Variants in TP53BP2 observed in about 807,000 individuals in gnomAD.
TP53BP2 encodes apoptosis-stimulating of p53 protein 2.
Under a neutral mutation model 126.2 loss-of-function variants are expected in TP53BP2, and 62 were observed. The ratio of observed to expected loss-of-function variants is 0.49; its 90% CI spans 0.40 to 0.61. The LOEUF is 0.61. TP53BP2 is among the 20% of genes least tolerant of loss of function. The pLI, the probability that TP53BP2 is intolerant of heterozygous loss-of-function variation, is 0.00. For synonymous variants in TP53BP2, 485 were observed against 502.9 expected (o/e 0.96, Z 0.48); for missense variants, 1,215 against 1,402.8 (o/e 0.87, Z 2.14).
chr1:223,802,141 T>C lies in TP53BP2; in HGVS notation c.1200A>G (p.Arg400=). 1 of 1,614,076 alleles carries C rather than the reference T, an allele frequency of 6.2e-7. No homozygotes were observed. The highest frequency in any genetic ancestry group is 8.5e-7 in the Non-Finnish European group (1 of 1,179,990). ...CTTTAGTTTGTGAAGCAGCCCCAGATCTCATGTTGGGCAGTGTCTGTATTT... is the reference window on the plus strand; with the variant it reads ...CTTTAGTTTGTGAAGCAGCCCCAGACCTCATGTTGGGCAGTGTCTGTATTT... The part of the protein sequence containing the change: ...PMKIQTLPNM[R]SGAASQTKGS... The change falls in exon 9 of 18, where the codon AGA becomes AGG. Residue 400 remains arginine, a synonymous_variant. Coordinates refer to ENST00000343537, the MANE Select transcript of TP53BP2 (RefSeq NM_001031685.3).
At chr1:223,820,148 C>A (rs1180306384) in intron 2 of TP53BP2, among the ~76,000 whole-genome samples, 2 of 152,092 alleles carry the variant, frequency 1.3e-5, no homozygotes, top group African/African-American at 4.8e-5. Flanking sequence ...GGAGACAGAG[C>A]AATACAAACA....
At chr1:223,809,083 T>A (rs1009940426) in intron 4 of TP53BP2, among the ~76,000 whole-genome samples, 1 of 152,120 alleles carries the variant, frequency 6.6e-6, no homozygotes, top group Non-Finnish European at 1.5e-5. Flanking sequence ...ATAATATATC[T>A]CTTTAATAGA....
intron 2 of TP53BP2, among the ~76,000 whole-genome samples, chr1:223,818,961 A>G (rs934977878): frequency 6.6e-6 from 1 of 150,660 alleles, no homozygotes; most frequent in Non-Finnish European, 1.5e-5. Flanking sequence ...GAGGTGGCGG[A>G]TCACCTGAGA....
intron 1 of TP53BP2, among the ~76,000 whole-genome samples, chr1:223,824,262 C>T (rs183678928): frequency 7.7e-4 from 117 of 152,316 alleles, no homozygotes; most frequent in South Asian, 6.8e-3. Context: ...AAACCAACAG[C>T]TTCATTTATT....
intron 1 of TP53BP2, among the ~76,000 whole-genome samples, chr1:223,835,095 C>T (rs994031465): frequency 4.6e-5 from 7 of 152,100 alleles, no homozygotes; most frequent in Non-Finnish European, 1.0e-4. Context: ...CAAAGTTCCA[C>T]GAAGAGGAGA....
At chr1:223,825,358 A>T (rs1416451319) in intron 1 of TP53BP2, among the ~76,000 whole-genome samples, 2 of 152,212 alleles carry the variant, frequency 1.3e-5, no homozygotes. Flanking sequence ...GGCAAAACCA[A>T]GATTGAGCCC....
intron 17 of TP53BP2, 25 bp downstream of exon 17, chr1:223,784,090 C>T (rs1571833248): frequency 1.9e-6 from 3 of 1,609,886 alleles, no homozygotes; most frequent in Non-Finnish European, 2.6e-6. Flanking sequence ...CATATGAAAA[C>T]ACCGTAAGCG....
chr1:223,842,875 A>G (rs1664148656), intron 1 of TP53BP2, among the ~76,000 whole-genome samples: 1 of 152,234 alleles, frequency 6.6e-6, no homozygotes, highest in African/African-American at 2.4e-5. Context: ...TCATCAGGAA[A>G]AAGATGTCAA....
At position 223,795,980 on chromosome 1, in the gene TP53BP2, G is replaced by A. The variant is rs1217817282; in HGVS notation, c.2559C>T (p.Asn853=). 5 of 1,614,098 alleles carry A rather than the reference G, an allele frequency of 3.1e-6. No individual in the cohort carries two copies. Among genetic ancestry groups the A allele is most frequent in the Non-Finnish European group, 4.2e-6 (5 of 1,180,002 alleles). ...GAGCCTCTGGATTTGGTTCTTCTGG[G>A]TTATTCTGGAGATTTGGGCTGTTGT... The part of the protein sequence containing the change: ...VPDNSPNLQN[N]PEEPNPEAPH... The change falls in exon 13 of 18, where the codon AAC becomes AAT. Residue 853 remains asparagine (N), a synonymous_variant. Coordinates refer to ENST00000343537, the MANE Select transcript of TP53BP2 (RefSeq NM_001031685.3).
chr1:223,782,702 C>T (rs1571831929), intron 17 of TP53BP2, among the ~76,000 whole-genome samples: 1 of 152,178 alleles, frequency 6.6e-6, no homozygotes, highest in Non-Finnish European at 1.5e-5. Flanking sequence ...ATCCTCCTGC[C>T]TCGGCCTCCC....
intron 1 of TP53BP2, among the ~76,000 whole-genome samples, chr1:223,821,746 T>G (rs774507702): frequency 6.6e-6 from 1 of 152,222 alleles, no homozygotes; most frequent in Non-Finnish European, 1.5e-5. Flanking sequence ...ATATACTTAT[T>G]TATGCACAGT....
intron 1 of TP53BP2, among the ~76,000 whole-genome samples, chr1:223,822,806 C>T (rs1663357391): frequency 1.3e-5 from 2 of 151,960 alleles, no homozygotes; most frequent in South Asian, 4.1e-4. Flanking sequence ...TTGTTAATTT[C>T]CAATGCTGAA....
intron 3 of TP53BP2, 48 bp from the exon 4 acceptor site, chr1:223,810,561 T>C (rs1213872545): frequency 5.4e-6 from 7 of 1,288,776 alleles, no homozygotes; most frequent in South Asian, 1.4e-5. Flanking sequence ...AGTTGACAGA[T>C]ATTTTAAGAA....
At position 223,803,459 on chromosome 1, in the gene TP53BP2, G is replaced by A. The variant is rs1571852175; in HGVS notation, c.650-7C>T. On this transcript the variant is annotated splice_polypyrimidine_tract_variant and splice_region_variant and intron_variant, in intron 6 of 17. Coordinates refer to ENST00000343537, the MANE Select transcript of TP53BP2 (RefSeq NM_001031685.3). Reference sequence around the variant, plus strand: ...ATCTGTTCAATTTCCTCCACTAGATGAGACAGAGAACAGCAACAACAGTTG... The same window carrying A: ...ATCTGTTCAATTTCCTCCACTAGATAAGACAGAGAACAGCAACAACAGTTG... 5 of 1,600,168 alleles carry A rather than the reference G, an allele frequency of 3.1e-6. No homozygotes were observed. Among genetic ancestry groups the A allele is most frequent in the Non-Finnish European group, 4.3e-6 (5 of 1,172,074 alleles).
rs1025388976 is a variant in TP53BP2, at chr1:223,795,774, A to C, written c.2724+41T>G. 5.0e-6 allele frequency: 7 copies of C among 1,412,558 alleles called. No homozygotes were observed. The South Asian group carries it at 6.1e-5, about 12-fold the overall frequency. The allele number at this position is 1,412,558 out of a possible 1,614,324, so 87.5% of individuals were successfully genotyped here. A position where few individuals can be genotyped will look rare whatever the true frequency, so the allele number is the denominator to read the frequency against. ...ACCACCAAGAAAATCGTAACAAAGT[A>C]AAGGACTCCGGAAAAGGCTATGAGA... On this transcript the variant is annotated intron_variant, in intron 13 of 17. Coordinates refer to ENST00000343537, the MANE Select transcript of TP53BP2 (RefSeq NM_001031685.3).
At chr1:223,829,774 T>A (rs1486904530) in intron 1 of TP53BP2, among the ~76,000 whole-genome samples, 1 of 151,460 alleles carries the variant, frequency 6.6e-6, no homozygotes, top group Admixed American at 6.6e-5. Context: ...TTACCCATAC[T>A]ACAAGGACAG....
intron 1 of TP53BP2, among the ~76,000 whole-genome samples, chr1:223,834,221 T>C (rs1160208256): frequency 2.0e-5 from 3 of 152,142 alleles, no homozygotes; most frequent in Non-Finnish European, 4.4e-5. Context: ...GAGTAGTGAT[T>C]TACAACATGC....
At chr1:223,810,647 A>T in intron 3 of TP53BP2, 134 bp from the exon 4 acceptor site, 1 of 664,224 alleles carries the variant, frequency 1.5e-6, no homozygotes, top group Non-Finnish European at 2.5e-6. Flanking sequence ...AATATTTTCT[A>T]ATAGCAATGG....
intron 1 of TP53BP2, among the ~76,000 whole-genome samples, chr1:223,833,173 T>C (rs73131157): frequency 0.031 from 4,716 of 152,278 alleles, 242 homozygotes; most frequent in African/African-American, 0.11. Context: ...TGTATACCGA[T>C]GTTCTATTAA....
Sources: allele counts gnomAD v4.1 joint callset (sites outside exome capture counted in the v4.1 genomes callset), GRCh38; gene constraint gnomAD v4.1.1; transcripts MANE v1.5; gene names NCBI Gene and HGNC (gene_info 2026-07-23, HGNC 2026-07-21).